Variants in CD38 observed in about 807,000 individuals in gnomAD.
The protein encoded by CD38 is ADP-ribosyl cyclase/cyclic ADP-ribose hydrolase 1.
A neutral mutation model predicts 36.3 loss-of-function variants in CD38; 31 were observed. The observed-to-expected ratio is 0.85, with a 90% CI of 0.64 to 1.15. The LOEUF (loss-of-function observed/expected upper bound fraction) is 1.15, where lower values mean the gene tolerates loss of function less well. Ranked by LOEUF, CD38 falls within the 50% of genes most tolerant of loss-of-function variation. CD38 has a pLI of 0.00. For missense variants in CD38, 380 were observed against 371.9 expected (o/e 1.02, Z -0.18); for synonymous variants, 131 against 135.2 (o/e 0.97, Z 0.22).
At chr4:15,792,923 T>C (rs1723035703) in intron 1 of CD38, among the ~76,000 whole-genome samples, 1 of 152,226 alleles carries the variant, frequency 6.6e-6, no homozygotes, top group South Asian at 2.1e-4. Flanking sequence ...TATCTTAAAT[T>C]TCCTTTAATT....
chr4:15,838,105 C>G lies in CD38; in HGVS notation c.599C>G (p.Ala200Gly). 1.2e-6 allele frequency: 2 copies of G among 1,613,322 alleles called. No individual in the cohort carries two copies. Among genetic ancestry groups the G allele is most frequent in the Non-Finnish European group, 8.5e-7 (1 of 1,179,662 alleles). ...TTTTTTTTTAAGTTTGCAGAAGCTG[C>G]CTGTGATGTGGTCCATGTGATGCTC... Reference protein sequence around the residue: ...KTVSRRFAEAACDVVHVMLNG... With the variant: ...KTVSRRFAEAGCDVVHVMLNG... Residue 200 changes from alanine (A) to glycine (G), a missense_variant, in exon 5 of 8, where the codon GCC (alanine) becomes GGC (glycine). Ala to Gly is a moderately conservative substitution (Grantham distance 60). Coordinates refer to ENST00000226279, the MANE Select transcript of CD38 (RefSeq NM_001775.4).
At chr4:15,812,566 G>A (rs992542341) in intron 1 of CD38, among the ~76,000 whole-genome samples, 5 of 152,142 alleles carry the variant, frequency 3.3e-5, no homozygotes, top group African/African-American at 1.2e-4. Context: ...TGGGCATGGT[G>A]GCATGTGCCT....
Position 15,834,236 on chromosome 4 carries a change from C to T in CD38, c.519C>T (p.Cys173=). 1 of 1,610,012 alleles carries T rather than the reference C, an allele frequency of 6.2e-7. No individual in the cohort carries two copies. Residue 173 remains cysteine (C), a synonymous_variant, in exon 4 of 8, where the codon TGC becomes TGT. Coordinates refer to ENST00000226279, the MANE Select transcript of CD38 (RefSeq NM_001775.4). ...TTTTAGAAATAAACTATCAATCTTG[C>T]CCAGACTGGAGAAAGGACTGCAGCA... is the stretch of plus-strand genomic sequence containing the variant. ...FNTSKINYQS[C]PDWRKDCSNN... is the part of the protein sequence containing the mutation.
intron 4 of CD38, 64 bp from the exon 5 acceptor site, chr4:15,838,028 A>G: frequency 7.6e-7 from 1 of 1,319,664 alleles, no homozygotes; most frequent in Non-Finnish European, 1.1e-6. Context: ...ATTGTTTTGA[A>G]TGAAACTGCT....
intron 1 of CD38, among the ~76,000 whole-genome samples, chr4:15,801,642 T>C (rs9884920): frequency 0.44 from 66,920 of 151,890 alleles, 17,124 homozygotes; most frequent in African/African-American, 0.72. Flanking sequence ...GTTCAACATA[T>C]GCAAATCAAC....
chr4:15,824,066 A>C (rs1484732830), intron 2 of CD38, among the ~76,000 whole-genome samples: 3 of 152,150 alleles, frequency 2.0e-5, no homozygotes, highest in Non-Finnish European at 4.4e-5. Flanking sequence ...CAAATGCTGC[A>C]TGTTCTCACT....
intron 1 of CD38, among the ~76,000 whole-genome samples, chr4:15,802,826 T>G (rs1296234041): frequency 6.6e-6 from 1 of 152,190 alleles, no homozygotes; most frequent in Non-Finnish European, 1.5e-5. Flanking sequence ...ATTACAGGCA[T>G]GAGCCTCTGC....
rs993254699 is a variant in CD38 at position 15,778,991 on chromosome 4, C to G, written c.233+344C>G. Among the ~76,000 whole-genome samples the G allele has an allele frequency of 6.6e-6, 1 of 152,218 alleles. No individual in the cohort carries two copies. The highest frequency in any genetic ancestry group is 1.5e-5 in the Non-Finnish European group (1 of 68,030). ...TGCAGCCCACCCTCGGCGCGCTCAG[C>G]CCGCTTCACCGCTTCAGGGACGGAA... On this transcript the variant is annotated intron_variant, in intron 1 of 7. Transcript: ENST00000226279. The surrounding 1 kb of genome is among the most constrained non-coding windows in gnomAD (Gnocchi z 4.9).
At chr4:15,802,085 A>T (rs1006528512) in intron 1 of CD38, among the ~76,000 whole-genome samples, 4 of 152,178 alleles carry the variant, frequency 2.6e-5, no homozygotes, top group African/African-American at 9.7e-5. Context: ...ATTGATATAC[A>T]AATTCAGTAA....
chr4:15,826,223 C>T (rs1447353017), intron 3 of CD38: 2 of 152,110 alleles, frequency 1.3e-5, no homozygotes, highest in Admixed American at 6.6e-5. Context: ...CAAAGGGTAA[C>T]TATTATCAGC....
At chr4:15,796,052 A>G (rs1723097978) in intron 1 of CD38, among the ~76,000 whole-genome samples, 1 of 152,254 alleles carries the variant, frequency 6.6e-6, no homozygotes, top group Admixed American at 6.5e-5. Context: ...CCTAAAAGAG[A>G]TAGTTTATGA....
chr4:15,830,716 G>C (rs906059213), intron 3 of CD38, among the ~76,000 whole-genome samples: 9 of 151,998 alleles, frequency 5.9e-5, no homozygotes, highest in African/African-American at 2.2e-4. Context: ...GTAGTAGTTT[G>C]CAGTAGTTTC....
chr4:15,790,339 G>C (rs1722939864), intron 1 of CD38, among the ~76,000 whole-genome samples: 1 of 151,910 alleles, frequency 6.6e-6, no homozygotes, highest in African/African-American at 2.4e-5. Context: ...CGCCTGACTG[G>C]TTTTCGTTTT....
chr4:15,822,302 T>C (rs1249249496), intron 2 of CD38, among the ~76,000 whole-genome samples: 1 of 152,142 alleles, frequency 6.6e-6, no homozygotes, highest in African/African-American at 2.4e-5. Flanking sequence ...ATGTCCTCTC[T>C]CACCACTCCT....
intron 1 of CD38, among the ~76,000 whole-genome samples, chr4:15,787,075 C>T (rs913466526): frequency 1.3e-4 from 20 of 152,120 alleles, no homozygotes; most frequent in African/African-American, 4.6e-4. Context: ...CGCTGGCCCA[C>T]GAGCGCCTCT....
intron 1 of CD38, among the ~76,000 whole-genome samples, chr4:15,791,058 C>T (rs1361640826): frequency 8.3e-5 from 11 of 132,172 alleles, no homozygotes; most frequent in African/African-American, 2.8e-4. Flanking sequence ...GGGGGGTCAG[C>T]CCCCCGCCCG....
chr4:15,841,583 C>A (rs547290540), intron 7 of CD38, among the ~76,000 whole-genome samples: 8 of 148,406 alleles, frequency 5.4e-5, no homozygotes, highest in African/African-American at 2.1e-4. Context: ...GGAACAGCTC[C>A]GGTCTACAGC....
chr4:15,807,548 CA>C (rs1181220688), intron 1 of CD38, among the ~76,000 whole-genome samples: 1 of 150,890 alleles, frequency 6.6e-6, no homozygotes, highest in African/African-American at 2.5e-5. Context: ...TCCTGAGTGT[CA>C]GGGGGGGCTG....
chr4:15,779,748 A>C (rs1365242853), intron 1 of CD38, among the ~76,000 whole-genome samples: 2 of 152,132 alleles, frequency 1.3e-5, no homozygotes, highest in Non-Finnish European at 2.9e-5. Flanking sequence ...CTGTATTGTA[A>C]AGTATGAAGT....
Sources: allele counts gnomAD v4.1 joint callset (sites outside exome capture counted in the v4.1 genomes callset), GRCh38; gene constraint gnomAD v4.1.1; non-coding constraint Gnocchi (gnomAD v3.1); transcripts MANE v1.5; gene names NCBI Gene and HGNC (gene_info 2026-07-23, HGNC 2026-07-21).